The following NPIPB2 variants were observed in gnomAD, a reference collection of about 807,000 sequenced individuals.
NPIPB2 encodes nuclear pore complex-interacting protein family member B2.
A neutral mutation model predicts 30.8 loss-of-function variants in NPIPB2; 27 were observed. The ratio of observed to expected loss-of-function variants is 0.88; its 90% confidence interval spans 0.65 to 1.21. NPIPB2 has a LOEUF of 1.21. Ranked by LOEUF, NPIPB2 falls within the 50% of genes most tolerant of loss-of-function variation. NPIPB2 has a pLI of 0.00. For missense variants in NPIPB2, 440 were observed against 446.2 expected (o/e 0.99, Z 0.13); for synonymous variants, 147 against 162.0 (o/e 0.91, Z 0.70).
At chr16:11,934,570 A>T in intron 2 of NPIPB2, among the ~76,000 whole-genome samples, 1 of 150,378 alleles carries the variant, frequency 6.6e-6, no homozygotes, top group East Asian at 1.9e-4. Context: ...AAAAAAAAAA[A>T]AAAAAATAGG....
intron 1 of NPIPB2, among the ~76,000 whole-genome samples, chr16:11,950,320 G>A (rs1037119928): frequency 1.3e-5 from 2 of 152,160 alleles, no homozygotes; most frequent in African/African-American, 4.8e-5. Flanking sequence ...ACAGGCATGA[G>A]CCACCACGCC....
upstream of NPIPB2, among the ~76,000 whole-genome samples, chr16:11,943,774 G>A (rs1413995423): frequency 4.0e-5 from 6 of 151,094 alleles, no homozygotes; most frequent in Middle Eastern, 6.4e-3. Context: ...CGAGACGGGT[G>A]GATCACAAGG....
chr16:11,952,818 G>A (rs1020545639), intron 1 of NPIPB2, among the ~76,000 whole-genome samples: 6 of 151,876 alleles, frequency 4.0e-5, no homozygotes, highest in African/African-American at 1.5e-4. Flanking sequence ...CACCCGCCTC[G>A]GCCTCCCAAA....
intron 1 of NPIPB2, among the ~76,000 whole-genome samples, chr16:11,973,132 C>T (rs971061822): frequency 7.3e-6 from 1 of 136,904 alleles, no homozygotes; most frequent in Non-Finnish European, 1.5e-5. Flanking sequence ...TGCCATTGCA[C>T]TCCAGCCTGG....
chr16:11,944,689 G>A (rs2054984367), upstream of NPIPB2, among the ~76,000 whole-genome samples: 1 of 134,896 alleles, frequency 7.4e-6, no homozygotes, highest in African/African-American at 2.7e-5. Flanking sequence ...CTTGAACCTG[G>A]GAGATGGAGT....
chr16:11,953,493 G>A (rs767463681), intron 1 of NPIPB2, among the ~76,000 whole-genome samples: 7 of 152,038 alleles, frequency 4.6e-5, no homozygotes, highest in Non-Finnish European at 8.8e-5. Context: ...TGAGACTACA[G>A]GTGCATGCCA....
intron 1 of NPIPB2, among the ~76,000 whole-genome samples, chr16:11,941,674 T>G (rs541096342): frequency 1.3e-4 from 19 of 151,750 alleles, no homozygotes; most frequent in Admixed American, 2.6e-4. Context: ...TGGGGCTTTA[T>G]ACTCCCTCTC....
intron 1 of NPIPB2, among the ~76,000 whole-genome samples, chr16:11,970,624 C>T (rs1241555903): frequency 2.6e-5 from 4 of 151,942 alleles, no homozygotes; most frequent in African/African-American, 7.3e-5. Context: ...CAACCTCCAA[C>T]TTCTGGTTTC....
Position 11,941,136 on chromosome 16 carries a change from G to A in NPIPB2, c.63+847C>T, listed in dbSNP as rs1281512975. The A allele has an allele frequency of 5.4e-6, 8 of 1,479,684 alleles. No individual in the cohort carries two copies. The Admixed American group carries it at 1.7e-4, about 31-fold the overall frequency. The allele number at this position is 1,479,684 out of a possible 1,614,324, so 91.7% of individuals were successfully genotyped here. A position where few individuals can be genotyped will look rare whatever the true frequency, so the allele number is the denominator to read the frequency against. On this transcript the variant is annotated intron_variant, in intron 1 of 7. Coordinates refer to ENST00000399147, the Ensembl canonical transcript of NPIPB2. ...GCCGCGTGACACAGCCCAGTAAAAA[G>A]GAAGAAACCCCGCGGGTCCAGCGTC...
In NPIPB2 at chr16:11,930,552, C is replaced by G. The variant is rs933777666; in HGVS notation, c.489-1G>C. On this transcript the variant is annotated splice_acceptor_variant, in intron 4 of 7. Coordinates refer to ENST00000399147, the Ensembl canonical transcript of NPIPB2. LOFTEE classifies it high-confidence loss of function. ...CTCACATTCTTTCACGCTTAGTTTCCTCAGATTAGAAGGGAGAGAAATGCA... is the reference window on the plus strand; with the variant it reads ...CTCACATTCTTTCACGCTTAGTTTCGTCAGATTAGAAGGGAGAGAAATGCA... 2 of 1,575,138 alleles carry G rather than the reference C, an allele frequency of 1.3e-6. No individual in the cohort carries two copies. The highest frequency in any genetic ancestry group is 3.5e-5 in the Admixed American group (2 of 57,556).
intron 1 of NPIPB2, chr16:11,964,091 T>C (rs1312252556): frequency 1.3e-5 from 2 of 151,346 alleles, no homozygotes; most frequent in Admixed American, 6.6e-5. Flanking sequence ...AAATGCACTA[T>C]ATAAATGTAT....
At chr16:11,962,611 C>CAAAAAAAAAAAAAA (rs765156261) in intron 1 of NPIPB2, among the ~76,000 whole-genome samples, 2 of 34,634 alleles carry the variant, frequency 5.8e-5, no homozygotes, top group Non-Finnish European at 1.3e-4. Flanking sequence ...GATTCTGTCT[C>CAAAAAAAAAAAAAA]AAAAAAAAAA....
downstream of NPIPB2, chr16:11,927,288 T>A: frequency 1.4e-6 from 1 of 717,596 alleles, no homozygotes; most frequent in South Asian, 1.6e-5. Context: ...ATTTATTTAT[T>A]CTTTGTTAGT....
At chr16:11,953,374 G>A (rs943972066) in intron 1 of NPIPB2, among the ~76,000 whole-genome samples, 1 of 151,628 alleles carries the variant, frequency 6.6e-6, no homozygotes, top group African/African-American at 2.4e-5. Flanking sequence ...ACGGAGTCTT[G>A]CTCTGTTGCT....
intron 1 of NPIPB2, among the ~76,000 whole-genome samples, chr16:11,972,704 C>T (rs2150946094): frequency 6.6e-6 from 1 of 151,328 alleles, no homozygotes; most frequent in South Asian, 2.1e-4. Context: ...GAAACCCCGT[C>T]TCTACTAGAA....
At chr16:11,967,225 C>T (rs1318540474) in intron 1 of NPIPB2, 5 of 228,834 alleles carry the variant, frequency 2.2e-5, no homozygotes, top group Non-Finnish European at 4.4e-5. Flanking sequence ...TGGTCTCAAG[C>T]TCCTGACCAC....
intron 2 of NPIPB2, among the ~76,000 whole-genome samples, chr16:11,934,857 CAAAAA>C (rs200493261): frequency 2.0e-5 from 2 of 97,656 alleles, no homozygotes; most frequent in East Asian, 3.1e-4. Context: ...GACTCTGTCT[CAAAAA>C]AAAAAAAAAA....
At chr16:11,947,816 C>G (rs904010700) in intron 1 of NPIPB2, among the ~76,000 whole-genome samples, 1 of 151,424 alleles carries the variant, frequency 6.6e-6, no homozygotes, top group African/African-American at 2.4e-5. Context: ...CTTGCACTGA[C>G]CGGCTTCGTC....
At chr16:11,952,275 G>C (rs1052055218) in intron 1 of NPIPB2, among the ~76,000 whole-genome samples, 1 of 151,798 alleles carries the variant, frequency 6.6e-6, no homozygotes, top group African/African-American at 2.4e-5. Flanking sequence ...GTGAACCGGG[G>C]AGGTGGAGCT....
Sources: gnomAD v4.1 joint callset for allele counts (sites outside exome capture counted in the v4.1 genomes callset) on GRCh38, gnomAD v4.1.1 for gene constraint, MANE v1.5 for transcripts, NCBI Gene and HGNC (gene_info 2026-07-23, HGNC 2026-07-21) for gene names.